The following SAMD5 variants were observed in gnomAD, a reference collection of about 807,000 sequenced individuals.
SAMD5 encodes the protein sterile alpha motif domain-containing protein 5.
SAMD5 carries 13 observed loss-of-function variants against 11.3 expected under a neutral mutation model. That is an observed-to-expected ratio of 1.15 (90% confidence interval 0.75 to 1.83). The LOEUF (loss-of-function observed/expected upper bound fraction) is 1.83, where lower values mean the gene tolerates loss of function less well. Ranked by LOEUF, SAMD5 falls within the 40% of genes most tolerant of loss-of-function variation. SAMD5 has a pLI of 0.00. For missense variants in SAMD5, 255 were observed against 239.1 expected (o/e 1.07, Z -0.44); for synonymous variants, 129 against 111.3 (o/e 1.16, Z -1.00).
intron 1 of SAMD5, among the ~76,000 whole-genome samples, chr6:147,664,534 C>T (rs1790690212): frequency 6.6e-6 from 1 of 152,066 alleles, no homozygotes; most frequent in Admixed American, 6.6e-5. Flanking sequence ...CCAAAGTATG[C>T]CAGTAGTGTT....
chr6:147,550,405 A>G (rs1022811333), intron 1 of SAMD5, among the ~76,000 whole-genome samples: 2 of 152,086 alleles, frequency 1.3e-5, no homozygotes, highest in Non-Finnish European at 2.9e-5. Flanking sequence ...GCTACTGGAT[A>G]TTTACCCAAA....
chr6:147,847,605 C>T, the SAMD5 span, among the ~76,000 whole-genome samples: 5 of 152,250 alleles, frequency 3.3e-5, no homozygotes, highest in Middle Eastern at 3.4e-3. Context: ...GTAATCCCAG[C>T]ACTTTGGGAG....
At chr6:147,775,015 G>C in the SAMD5 span, among the ~76,000 whole-genome samples, 6 of 152,230 alleles carry the variant, frequency 3.9e-5, no homozygotes, top group African/African-American at 1.4e-4. Flanking sequence ...AAAGCCAGGA[G>C]GGGGCGACCT....
At chr6:147,834,594 C>A in the SAMD5 span, among the ~76,000 whole-genome samples, 1 of 152,270 alleles carries the variant, frequency 6.6e-6, no homozygotes, top group Non-Finnish European at 1.5e-5. Flanking sequence ...CATTTGTATT[C>A]CCTTGGGTTA....
chr6:147,543,368 AGAGT>A (rs1788636356), intron 1 of SAMD5, among the ~76,000 whole-genome samples: 2 of 152,332 alleles, frequency 1.3e-5, no homozygotes, highest in African/African-American at 4.8e-5. Context: ...AGTTCTAATG[AGAGT>A]GAGGGCAGAA....
chr6:147,759,425 T>C, the SAMD5 span, among the ~76,000 whole-genome samples: 3 of 152,294 alleles, frequency 2.0e-5, no homozygotes, highest in East Asian at 5.8e-4. Context: ...CTGTGTCTAG[T>C]ACAGGCCAGG....
the SAMD5 span, among the ~76,000 whole-genome samples, chr6:147,946,721 G>A: frequency 6.6e-6 from 1 of 152,160 alleles, no homozygotes; most frequent in East Asian, 1.9e-4. Context: ...TTCATGGTCT[G>A]TAGCTGAGGT....
At chr6:147,632,644 C>T (rs1028891560) in intron 1 of SAMD5, among the ~76,000 whole-genome samples, 3 of 152,168 alleles carry the variant, frequency 2.0e-5, no homozygotes, top group Non-Finnish European at 2.9e-5. Context: ...GGCCACAGGG[C>T]GTGGTCCCAG....
chr6:147,683,724 C>T (rs1229240504), intron 1 of SAMD5, among the ~76,000 whole-genome samples: 2 of 152,130 alleles, frequency 1.3e-5, no homozygotes, highest in Non-Finnish European at 2.9e-5. Flanking sequence ...GCTAAGGAAT[C>T]TGCAGTTTTC....
chr6:147,807,122 A>G, the SAMD5 span, among the ~76,000 whole-genome samples: 2 of 152,118 alleles, frequency 1.3e-5, no homozygotes, highest in Admixed American at 6.5e-5. Context: ...TGAGATGGAA[A>G]GGAGTCTTGC....
At chr6:147,873,599 C>T in the SAMD5 span, among the ~76,000 whole-genome samples, 3 of 152,002 alleles carry the variant, frequency 2.0e-5, no homozygotes, top group South Asian at 2.1e-4. Context: ...GTGTATATAT[C>T]GTACTAATGC....
chr6:147,850,947 C>CTTTTTT, the SAMD5 span, among the ~76,000 whole-genome samples: 1 of 133,470 alleles, frequency 7.5e-6, no homozygotes. Flanking sequence ...TATAATTGTT[C>CTTTTTT]TTTTTTTTTT....
the SAMD5 span, among the ~76,000 whole-genome samples, chr6:147,766,382 C>A: frequency 6.6e-6 from 1 of 152,066 alleles, no homozygotes; most frequent in African/African-American, 2.4e-5. Context: ...AATAGACTAA[C>A]CCAACACATC....
intron 1 of SAMD5, among the ~76,000 whole-genome samples, chr6:147,699,590 A>T (rs907866717): frequency 2.0e-5 from 3 of 152,234 alleles, no homozygotes; most frequent in Non-Finnish European, 2.9e-5. Context: ...AATTCATTTA[A>T]CTAAGAGTCC....
intron 1 of SAMD5, among the ~76,000 whole-genome samples, chr6:147,635,744 A>AG (rs1790221195): frequency 6.6e-6 from 1 of 152,202 alleles, no homozygotes; most frequent in African/African-American, 2.4e-5. Flanking sequence ...ATCCATGAGA[A>AG]GAGGATGCCC....
At chr6:147,617,585 T>C (rs1224448321) in intron 1 of SAMD5, among the ~76,000 whole-genome samples, 1 of 152,238 alleles carries the variant, frequency 6.6e-6, no homozygotes, top group Non-Finnish European at 1.5e-5. Context: ...CAGTATCTAT[T>C]CTGGAAGCTA....
the SAMD5 span, among the ~76,000 whole-genome samples, chr6:147,790,244 A>T: frequency 1.3e-5 from 2 of 152,250 alleles, no homozygotes; most frequent in Admixed American, 6.5e-5. Context: ...GATAAAAATA[A>T]ATGGGCTATT....
At chr6:147,601,049 A>G (rs4896928) in intron 1 of SAMD5, among the ~76,000 whole-genome samples, 51,776 of 152,092 alleles carry the variant, frequency 0.34, 9,023 homozygotes, top group South Asian at 0.37. Flanking sequence ...TGGGTGACAA[A>G]CATAACATGA....
chr6:147,521,125 T>G (rs1788246965), intron 1 of SAMD5, among the ~76,000 whole-genome samples: 1 of 150,734 alleles, frequency 6.6e-6, no homozygotes, highest in African/African-American at 2.5e-5. Flanking sequence ...CCCATGTTAC[T>G]ACTAATTATT....
Sources: allele counts gnomAD v4.1 joint callset (sites outside exome capture counted in the v4.1 genomes callset), GRCh38; gene constraint gnomAD v4.1.1; transcripts MANE v1.5; gene names NCBI Gene and HGNC (gene_info 2026-07-23, HGNC 2026-07-21).